BCAS3: variants seen among roughly 807,000 people sequenced by gnomAD.
BCAS3 encodes BCAS3 microtubule associated cell migration factor.
A neutral mutation model predicts 116.1 loss-of-function variants in BCAS3; 53 were observed. The observed-to-expected ratio is 0.46, with a 90% confidence interval of 0.37 to 0.57. The LOEUF (loss-of-function observed/expected upper bound fraction) is 0.57, where lower values mean the gene tolerates loss of function less well. Among genes scored for constraint, BCAS3 ranks in the 20% least tolerant of loss-of-function variants. The pLI, the probability that BCAS3 is intolerant of heterozygous loss-of-function variation, is 0.00. For synonymous variants in BCAS3, 391 were observed against 408.2 expected (o/e 0.96, Z 0.51); for missense variants, 917 against 1,165.4 (o/e 0.79, Z 3.10).
intron 8 of BCAS3, among the ~76,000 whole-genome samples, chr17:60,872,349 A>G (rs1236941986): frequency 6.6e-6 from 1 of 151,664 alleles, no homozygotes; most frequent in African/African-American, 2.4e-5. Flanking sequence ...ACATACACAC[A>G]CCCCATATAT....
At position 61,339,353 on chromosome 17, in the gene BCAS3, A is replaced by G. The variant is rs1348712401; in HGVS notation, c.2426-28974A>G. Among the ~76,000 whole-genome samples the G allele has an allele frequency of 6.6e-6, 1 of 152,214 alleles. No individual in the cohort carries two copies. Among genetic ancestry groups the G allele is most frequent in the Non-Finnish European group, 1.5e-5 (1 of 68,038 alleles). On this transcript the variant is annotated intron_variant, in intron 22 of 23. Coordinates refer to ENST00000407086, the MANE Select transcript of BCAS3 (RefSeq NM_017679.5). This position sits in a 1 kb window ranked among gnomAD's most constrained non-coding sequence, Gnocchi z 4.4. The stretch of plus-strand genomic sequence containing the variant: ...GCTCCCTTGGATCCAGGGGATAAGG[A>G]TACAATGGGAAGGCCCATGAAGCCG...
chr17:61,029,891 A>G lies in BCAS3; in HGVS notation c.1638-4775A>G, dbSNP rs564078703. On this transcript the variant is annotated intron_variant, in intron 16 of 23. Coordinates refer to ENST00000407086, the MANE Select transcript of BCAS3 (RefSeq NM_017679.5). This position sits in a 1 kb window ranked among gnomAD's most constrained non-coding sequence, Gnocchi z 5.2. The stretch of plus-strand genomic sequence containing the variant: ...TCATTTTTTGAAAGATACGATTTAT[A>G]TGGAGAGGAGAATTTATTCTTACCT... Among the ~76,000 whole-genome samples the G allele has an allele frequency of 1.3e-5, 2 of 152,112 alleles. No individual in the cohort carries two copies. The highest frequency in any genetic ancestry group is 2.1e-4 in the South Asian group (1 of 4,828).
intron 7 of BCAS3, among the ~76,000 whole-genome samples, chr17:60,812,331 A>G (rs1049469922): frequency 9.9e-5 from 15 of 152,200 alleles, no homozygotes; most frequent in African/African-American, 3.6e-4. Context: ...AGTTTGCAAA[A>G]AAATGTGACT....
chr17:61,210,130 G>T (rs1326492974), intron 22 of BCAS3, among the ~76,000 whole-genome samples: 9 of 152,200 alleles, frequency 5.9e-5, no homozygotes, highest in Non-Finnish European at 1.3e-4. Flanking sequence ...CAGTTGTAGA[G>T]GGACTGTGTC....
chr17:60,787,285 T>G (rs750697568), intron 6 of BCAS3, among the ~76,000 whole-genome samples: 2 of 152,206 alleles, frequency 1.3e-5, no homozygotes, highest in Non-Finnish European at 1.5e-5. Flanking sequence ...TTCTCACATG[T>G]ACTTTCCCAG....
chr17:61,094,340 A>T (rs2073828271), intron 22 of BCAS3, among the ~76,000 whole-genome samples: 1 of 152,246 alleles, frequency 6.6e-6, no homozygotes, highest in African/African-American at 2.4e-5. Context: ...AACTGTTTTC[A>T]TGGAATCCCA....
At chr17:61,304,201 T>C (rs893338520) in intron 22 of BCAS3, among the ~76,000 whole-genome samples, 1 of 152,234 alleles carries the variant, frequency 6.6e-6, no homozygotes, top group African/African-American at 2.4e-5. Context: ...TTTAATTATC[T>C]GGTCTTCCCA....
chr17:61,388,683 A>G lies in BCAS3; in HGVS notation c.2594-3294A>G. On this transcript the variant is annotated intron_variant, in intron 23 of 23. Transcript: ENST00000407086. This position sits in a 1 kb window ranked among gnomAD's most constrained non-coding sequence, Gnocchi z 6.5. ...CGTCCGTGAGCAACCCAACAGTAAC[A>G]AAGCATGCGTTCGGGATGGAGGAAG... is the stretch of plus-strand genomic sequence containing the variant. 1 of 1,550,646 alleles carries G rather than the reference A, an allele frequency of 6.4e-7. No homozygotes were observed. The highest frequency in any genetic ancestry group is 8.7e-7 in the Non-Finnish European group (1 of 1,155,946).
At chr17:61,245,354 C>G (rs1392932437) in intron 22 of BCAS3, 2 of 152,054 alleles carry the variant, frequency 1.3e-5, no homozygotes, top group Non-Finnish European at 2.9e-5. Context: ...TGGGTGGAGA[C>G]ACAGCCAAAC....
At chr17:61,182,206 T>C (rs956452975) in intron 22 of BCAS3, among the ~76,000 whole-genome samples, 1 of 152,204 alleles carries the variant, frequency 6.6e-6, no homozygotes, top group African/African-American at 2.4e-5. Context: ...AAATGCTGTC[T>C]CATAGTATCC....
chr17:60,732,257 C>A (rs978286187), intron 5 of BCAS3, among the ~76,000 whole-genome samples: 1 of 152,086 alleles, frequency 6.6e-6, no homozygotes, highest in Admixed American at 6.6e-5. Context: ...TACTGATCTT[C>A]ATTTGTCTCC....
At chr17:61,351,452 T>A (rs16945156) in intron 22 of BCAS3, among the ~76,000 whole-genome samples, 3,859 of 152,304 alleles carry the variant, frequency 0.025, 150 homozygotes, top group African/African-American at 0.088. Flanking sequence ...ACGTTCGATT[T>A]TTGAATGATC....
In BCAS3 at chr17:61,228,476, A is replaced by G. The variant is rs1225518027; in HGVS notation, c.2426-139851A>G. Among the ~76,000 whole-genome samples, 1 of 152,190 alleles carries G rather than the reference A, an allele frequency of 6.6e-6. No homozygotes were observed. The highest frequency in any genetic ancestry group is 1.5e-5 in the Non-Finnish European group (1 of 68,042). Reference sequence around the variant, plus strand: ...TCACAGATGATATTGCATTTTTTACAAATTGAAGATTTGTGGCAACTGTGT... The same window carrying G: ...TCACAGATGATATTGCATTTTTTACGAATTGAAGATTTGTGGCAACTGTGT... On this transcript the variant is annotated intron_variant, in intron 22 of 23. Transcript: ENST00000407086. This position sits in a 1 kb window ranked among gnomAD's most constrained non-coding sequence, Gnocchi z 5.0.
chr17:61,365,124 G>A lies in BCAS3; in HGVS notation c.2426-3203G>A, dbSNP rs2058657690. Reference sequence around the variant, plus strand: ...TATGGATGAGGAATCAGAGACGCATGCCTGGAATCATACAGCTCACGTGTT... The same window carrying A: ...TATGGATGAGGAATCAGAGACGCATACCTGGAATCATACAGCTCACGTGTT... On this transcript the variant is annotated intron_variant, in intron 22 of 23. Coordinates refer to ENST00000407086, the MANE Select transcript of BCAS3 (RefSeq NM_017679.5). The surrounding 1 kb of genome is among the most constrained non-coding windows in gnomAD (Gnocchi z 4.6). Among the ~76,000 whole-genome samples, 1 of 152,294 alleles carries A rather than the reference G, an allele frequency of 6.6e-6. No homozygotes were observed. The highest frequency in any genetic ancestry group is 6.5e-5 in the Admixed American group (1 of 15,300).
At chr17:60,683,953 C>G (rs766981692) in intron 2 of BCAS3, 29 bp from the exon 3 acceptor site, 15 of 1,591,342 alleles carry the variant, frequency 9.4e-6, no homozygotes, top group Non-Finnish European at 1.3e-5. Context: ...GCTCTCCTGA[C>G]CAGTGTTGTC....
At chr17:60,846,443 T>G (rs1297568523) in intron 7 of BCAS3, among the ~76,000 whole-genome samples, 3 of 152,246 alleles carry the variant, frequency 2.0e-5, no homozygotes, top group African/African-American at 7.2e-5. Context: ...ATTATATAAA[T>G]GTCAAGTTCC....
At chr17:61,292,963 A>G (rs1027083791) in intron 22 of BCAS3, among the ~76,000 whole-genome samples, 7 of 152,190 alleles carry the variant, frequency 4.6e-5, no homozygotes, top group African/African-American at 1.2e-4. Flanking sequence ...GCAATAACCA[A>G]TGTTCAAATA....
At chr17:60,988,338 C>CTTTTTTTTTTTTTTTTTTT (rs71148317) in intron 14 of BCAS3, among the ~76,000 whole-genome samples, 47 of 66,780 alleles carry the variant, frequency 7.0e-4, no homozygotes, top group Non-Finnish European at 9.4e-4. Context: ...TTTTCTTTTT[C>CTTTTTTTTTTTTTTTTTTT]TTTTTTTTTT....
At chr17:61,318,401 T>A (rs1021634094) in intron 22 of BCAS3, among the ~76,000 whole-genome samples, 4 of 152,208 alleles carry the variant, frequency 2.6e-5, no homozygotes, top group Non-Finnish European at 5.9e-5. Flanking sequence ...AGCCCTCTCC[T>A]GTCTTCCCTG....
Sources: gnomAD v4.1 joint callset for allele counts (sites outside exome capture counted in the v4.1 genomes callset) on GRCh38, gnomAD v4.1.1 for gene constraint, Gnocchi (gnomAD v3.1) non-coding constraint, MANE v1.5 for transcripts, NCBI Gene and HGNC (gene_info 2026-07-23, HGNC 2026-07-21) for gene names.